The following PHACTR3 variants were observed in gnomAD, a reference collection of about 807,000 sequenced individuals.
PHACTR3 encodes protein phosphatase 1, regulatory subunit 123.
A neutral mutation model predicts 66.8 loss-of-function variants in PHACTR3; 16 were observed. That is an observed-to-expected ratio of 0.24 (90% confidence interval 0.16 to 0.36). The LOEUF is 0.36. Among genes scored for constraint, PHACTR3 ranks in the 10% least tolerant of loss-of-function variants. The pLI is 1.00. For synonymous variants in PHACTR3, 323 were observed against 292.1 expected, an observed-to-expected ratio of 1.11 and a Z score of -1.08; for missense variants, 647 against 719.9, an observed-to-expected ratio of 0.90 and a Z score of 1.16.
chr20:59,595,594 A>T lies in PHACTR3; in HGVS notation c.109+17977A>T, dbSNP rs561272727. Among the ~76,000 whole-genome samples the T allele has an allele frequency of 2.6e-5, 4 of 152,346 alleles. No homozygotes were observed. The East Asian group carries it at 7.7e-4, about 29-fold the overall frequency. On this transcript the variant is annotated intron_variant, in intron 1 of 12. Coordinates refer to the PHACTR3 transcript ENST00000359926. ...GAAGTGGTTTATAGATGTCTGTTAC[A>T]TCCAGTTGATTGATGGTGCTGTTGA...
At chr20:59,778,481 G>A (rs759319720) in intron 7 of PHACTR3, among the ~76,000 whole-genome samples, 2 of 152,226 alleles carry the variant, frequency 1.3e-5, no homozygotes, top group Admixed American at 6.5e-5. Context: ...ACATCGCTCA[G>A]TGCAGGAAGC....
chr20:59,687,067 GTGA>G (rs1422001989), intron 1 of PHACTR3, among the ~76,000 whole-genome samples: 14 of 151,518 alleles, frequency 9.2e-5, no homozygotes, highest in South Asian at 2.1e-4. Flanking sequence ...GATGATGGTG[GTGA>G]TGATGATCAT....
intron 1 of PHACTR3, among the ~76,000 whole-genome samples, chr20:59,690,439 C>G (rs1334347394): frequency 6.6e-6 from 1 of 152,210 alleles, no homozygotes; most frequent in African/African-American, 2.4e-5. Flanking sequence ...CTGGTTTGCT[C>G]TCTCTCTTCC....
chr20:59,585,068 G>A (rs1460456908), intron 1 of PHACTR3, among the ~76,000 whole-genome samples: 4 of 152,214 alleles, frequency 2.6e-5, no homozygotes, highest in African/African-American at 9.6e-5. Flanking sequence ...GAACGTGAGC[G>A]GGGCCTCGGG....
chr20:59,812,245 G>A (rs772632797), intron 8 of PHACTR3, among the ~76,000 whole-genome samples: 16 of 152,356 alleles, frequency 1.1e-4, no homozygotes, highest in African/African-American at 2.2e-4. Flanking sequence ...CCCTTGGGGC[G>A]TTCTTTGCTC....
At chr20:59,593,512 G>A (rs996043381) in intron 1 of PHACTR3, among the ~76,000 whole-genome samples, 1 of 151,806 alleles carries the variant, frequency 6.6e-6, no homozygotes, top group Non-Finnish European at 1.5e-5. Context: ...ATGAAGTCCA[G>A]TATATCAATT....
chr20:59,773,185 A>C, intron 5 of PHACTR3, 94 bp from the exon 6 acceptor site: 1 of 1,397,840 alleles, frequency 7.2e-7, no homozygotes, highest in Non-Finnish European at 9.8e-7. Context: ...GGTGCAGGGG[A>C]GCGTCCTTTC....
intron 12 of PHACTR3, among the ~76,000 whole-genome samples, chr20:59,845,491 TAAGTAGTTA>T (rs1338216789): frequency 6.6e-6 from 1 of 152,282 alleles, no homozygotes; most frequent in East Asian, 1.9e-4. Context: ...TCGGTTTATT[TAAGTAGTTA>T]ATGCATATTT....
chr20:59,613,440 G>A (rs1392885454), intron 1 of PHACTR3, among the ~76,000 whole-genome samples: 1 of 152,178 alleles, frequency 6.6e-6, no homozygotes, highest in Non-Finnish European at 1.5e-5. Flanking sequence ...GCCTTCTTGG[G>A]AGCACTGCCC....
chr20:59,597,720 A>G (rs1242398226), intron 1 of PHACTR3, among the ~76,000 whole-genome samples: 1 of 152,194 alleles, frequency 6.6e-6, no homozygotes, highest in African/African-American at 2.4e-5. Flanking sequence ...GTCCCTTTAT[A>G]AGAGATCAGG....
intron 4 of PHACTR3, among the ~76,000 whole-genome samples, chr20:59,756,665 C>G (rs2039805779): frequency 6.6e-6 from 1 of 151,878 alleles, no homozygotes; most frequent in African/African-American, 2.4e-5. Flanking sequence ...GACTTTGGGG[C>G]TGGCGTGGTT....
chr20:59,763,012 G>A (rs1276115316), intron 4 of PHACTR3, among the ~76,000 whole-genome samples: 1 of 152,166 alleles, frequency 6.6e-6, no homozygotes, highest in Non-Finnish European at 1.5e-5. Flanking sequence ...TAGGTGATAT[G>A]GTTTCGCTGT....
intron 1 of PHACTR3, among the ~76,000 whole-genome samples, chr20:59,690,756 C>T (rs1309055143): frequency 6.6e-6 from 1 of 152,186 alleles, no homozygotes; most frequent in Non-Finnish European, 1.5e-5. Context: ...CCTCCAGTTC[C>T]CCATCCCCTT....
intron 1 of PHACTR3, among the ~76,000 whole-genome samples, chr20:59,710,779 A>ACCCC (rs2037886399): frequency 1.4e-5 from 1 of 70,008 alleles, no homozygotes; most frequent in Non-Finnish European, 3.0e-5. Context: ...TCCCTCACCC[A>ACCCC]CTTCTTGATG....
At chr20:59,674,776 C>T (rs1465574646) in intron 1 of PHACTR3, among the ~76,000 whole-genome samples, 1 of 44,092 alleles carries the variant, frequency 2.3e-5, no homozygotes, top group Non-Finnish European at 3.8e-5. Context: ...TGTTCCCCCT[C>T]CTTCTGTTTC....
rs138801230 is a variant in PHACTR3, at chr20:59,753,557, C to T, written c.359-1625C>T. ...GGGGCCAGATCACTCTTGTCACCCT[C>T]CTCTTCTCGTTGTCAGAAACCATCA... On this transcript the variant is annotated intron_variant, in intron 3 of 12. Transcript: ENST00000371015. Among the ~76,000 whole-genome samples the T allele has an allele frequency of 7.6e-3, 1,154 of 152,312 alleles. 8 individuals carry two copies. The highest frequency in any genetic ancestry group is 0.012 in the Non-Finnish European group (796 of 68,030).
At chr20:59,655,318 CT>C (rs2035582304) in intron 1 of PHACTR3, among the ~76,000 whole-genome samples, 1 of 152,010 alleles carries the variant, frequency 6.6e-6, no homozygotes, top group Non-Finnish European at 1.5e-5. Flanking sequence ...ACACTTCACA[CT>C]TTTGAAATGT....
At chr20:59,672,405 G>A (rs6070903) in intron 1 of PHACTR3, among the ~76,000 whole-genome samples, 38,482 of 152,066 alleles carry the variant, frequency 0.25, 5,204 homozygotes, top group East Asian at 0.47. Flanking sequence ...GAGAGGAAAC[G>A]CCATGGCCTG....
intron 12 of PHACTR3, 136 bp downstream of exon 12, chr20:59,845,401 A>G: frequency 1.7e-6 from 1 of 588,062 alleles, no homozygotes; most frequent in Non-Finnish European, 3.1e-6. Context: ...AACAAATAGA[A>G]TGTACCTCAA....
Sources: allele counts gnomAD v4.1 joint callset (sites outside exome capture counted in the v4.1 genomes callset), GRCh38; gene constraint gnomAD v4.1.1; transcripts MANE v1.5; gene names NCBI Gene and HGNC (gene_info 2026-07-23, HGNC 2026-07-21).